The following DLGAP2 variants were observed in gnomAD, a reference collection of about 807,000 sequenced individuals.
The protein encoded by DLGAP2 is DLG associated protein 2.
DLGAP2 carries 26 observed loss-of-function variants against 100.3 expected under a neutral mutation model. That is an observed-to-expected ratio of 0.26 (90% CI 0.19 to 0.36). The LOEUF is 0.36. Ranked by LOEUF, DLGAP2 falls within the 10% of genes least tolerant of loss-of-function variation. The pLI is 1.00. For missense variants in DLGAP2, 1,858 were observed against 1,453.2 expected (o/e 1.28, Z -4.53); for synonymous variants, 886 against 630.1 (o/e 1.41, Z -6.08).
At chr8:819,618 A>G (rs1005433915) in intron 1 of DLGAP2, among the ~76,000 whole-genome samples, 9 of 152,264 alleles carry the variant, frequency 5.9e-5, no homozygotes, top group African/African-American at 2.2e-4. Flanking sequence ...GAGAACAAAT[A>G]TGAGATCAAT....
intron 2 of DLGAP2, among the ~76,000 whole-genome samples, chr8:1,179,704 G>C (rs10088285): frequency 0.55 from 83,391 of 152,088 alleles, 23,305 homozygotes; most frequent in Admixed American, 0.65. Flanking sequence ...GAATATCAGG[G>C]GCCACCTTAA....
intron 2 of DLGAP2, among the ~76,000 whole-genome samples, chr8:1,076,551 G>A (rs1803618695): frequency 1.3e-5 from 2 of 152,258 alleles, no homozygotes; most frequent in African/African-American, 4.8e-5. Flanking sequence ...GCTCCGGCCA[G>A]GGCCACGGCT....
intron 1 of DLGAP2, among the ~76,000 whole-genome samples, chr8:857,972 G>C (rs751469070): frequency 5.3e-5 from 8 of 151,794 alleles, no homozygotes; most frequent in Non-Finnish European, 1.2e-4. Flanking sequence ...CTGGATTCAA[G>C]TGATTCTTGG....
intron 3 of DLGAP2, among the ~76,000 whole-genome samples, chr8:1,482,395 A>G (rs1799122218): frequency 6.6e-6 from 1 of 152,258 alleles, no homozygotes; most frequent in Non-Finnish European, 1.5e-5. Context: ...TCTTTACACT[A>G]GAAACATAGC....
At chr8:1,686,923 G>A (rs1359674005) in intron 12 of DLGAP2, among the ~76,000 whole-genome samples, 2 of 152,178 alleles carry the variant, frequency 1.3e-5, no homozygotes. Flanking sequence ...GCACGTCCCA[G>A]TCATCCTGAT....
chr8:1,186,848 T>A (rs189939497), intron 2 of DLGAP2, among the ~76,000 whole-genome samples: 1 of 152,292 alleles, frequency 6.6e-6, no homozygotes, highest in East Asian at 1.9e-4. Context: ...TTCCTGCTCT[T>A]CTCACTCACC....
At chr8:1,426,563 G>T (rs1403960495) in intron 3 of DLGAP2, among the ~76,000 whole-genome samples, 1 of 152,148 alleles carries the variant, frequency 6.6e-6, no homozygotes, top group African/African-American at 2.4e-5. Flanking sequence ...AGACTGAAAG[G>T]GTTCTGCTGT....
At chr8:1,682,312 G>C (rs895373147) in intron 12 of DLGAP2, among the ~76,000 whole-genome samples, 1 of 152,186 alleles carries the variant, frequency 6.6e-6, no homozygotes, top group Non-Finnish European at 1.5e-5. Context: ...CCTACAAAGG[G>C]CTTTAGTGCT....
chr8:1,206,963 C>G (rs564792452), intron 2 of DLGAP2, among the ~76,000 whole-genome samples: 1 of 152,296 alleles, frequency 6.6e-6, no homozygotes, highest in African/African-American at 2.4e-5. Context: ...GACACCGTCT[C>G]GGTGAAACTT....
At chr8:1,044,902 C>T (rs1388698051) in intron 2 of DLGAP2, among the ~76,000 whole-genome samples, 1 of 152,186 alleles carries the variant, frequency 6.6e-6, no homozygotes, top group Admixed American at 6.5e-5. Context: ...TCAAACCTTC[C>T]CTGTTGACCA....
At chr8:1,673,827 A>C (rs143890860) in intron 10 of DLGAP2, among the ~76,000 whole-genome samples, 6 of 152,240 alleles carry the variant, frequency 3.9e-5, no homozygotes, top group African/African-American at 1.4e-4. Context: ...CAAATTCACT[A>C]TAAAAAATAA....
intron 8 of DLGAP2, among the ~76,000 whole-genome samples, chr8:1,637,067 G>A (rs933717424): frequency 3.9e-5 from 6 of 152,212 alleles, no homozygotes; most frequent in Non-Finnish European, 8.8e-5. Context: ...CCGCCGGCTG[G>A]CTCCGCAGGC....
intron 3 of DLGAP2, among the ~76,000 whole-genome samples, chr8:1,385,943 C>T (rs1201744708): frequency 6.6e-6 from 1 of 152,282 alleles, no homozygotes; most frequent in African/African-American, 2.4e-5. Context: ...ACCTAGCCAG[C>T]AGCACCCACA....
intron 6 of DLGAP2, among the ~76,000 whole-genome samples, chr8:1,613,309 G>A (rs553240269): frequency 4.0e-5 from 6 of 148,538 alleles, no homozygotes; most frequent in African/African-American, 7.5e-5. Context: ...ACCAAACACC[G>A]CATATTCTCA....
intron 1 of DLGAP2, among the ~76,000 whole-genome samples, chr8:795,853 G>C (rs77033358): frequency 7.8e-5 from 9 of 115,200 alleles, no homozygotes; most frequent in African/African-American, 2.4e-4. Context: ...GTGAGAGCAG[G>C]CGTCCAGTGA....
At chr8:1,050,883 T>A (rs1413209720) in intron 2 of DLGAP2, among the ~76,000 whole-genome samples, 1 of 151,724 alleles carries the variant, frequency 6.6e-6, no homozygotes, top group African/African-American at 2.4e-5. Context: ...GATGAGCTTG[T>A]GTGACCTATG....
At chr8:1,190,776 G>C (rs1195319161) in intron 2 of DLGAP2, among the ~76,000 whole-genome samples, 1 of 152,196 alleles carries the variant, frequency 6.6e-6, no homozygotes, top group African/African-American at 2.4e-5. Flanking sequence ...CTAGAGCCCA[G>C]GTTCCAGGTG....
chr8:936,620 G>A (rs754226556), intron 2 of DLGAP2, among the ~76,000 whole-genome samples: 2 of 152,146 alleles, frequency 1.3e-5, no homozygotes, highest in African/African-American at 4.8e-5. Flanking sequence ...CATGGAACTC[G>A]GTGCAGGAGT....
intron 2 of DLGAP2, among the ~76,000 whole-genome samples, chr8:1,145,493 T>C (rs1489312654): frequency 6.6e-6 from 1 of 152,220 alleles, no homozygotes; most frequent in East Asian, 1.9e-4. Context: ...ATCCATCCAT[T>C]GCAACGTCAA....
Sources: allele counts gnomAD v4.1 joint callset (sites outside exome capture counted in the v4.1 genomes callset), GRCh38; gene constraint gnomAD v4.1.1; transcripts MANE v1.5; gene names NCBI Gene and HGNC (gene_info 2026-07-23, HGNC 2026-07-21).